Variants in NSUN3 observed in about 807,000 individuals in gnomAD.
NSUN3 encodes the protein tRNA (cytosine(34)-C(5))-methyltransferase, mitochondrial.
NSUN3 carries 24 observed loss-of-function variants against 36.8 expected under a neutral mutation model. That is an observed-to-expected ratio of 0.65 (90% CI 0.47 to 0.92). The LOEUF is 0.92. Among genes scored for constraint, NSUN3 ranks in the 40% least tolerant of loss-of-function variants. The pLI is 0.00. For missense variants in NSUN3, 381 were observed against 392.8 expected (o/e 0.97, Z 0.25); for synonymous variants, 146 against 145.2 (o/e 1.01, Z -0.04).
chr3:94,105,435 C>T (rs2077384858), intron 5 of NSUN3, among the ~76,000 whole-genome samples: 1 of 152,146 alleles, frequency 6.6e-6, no homozygotes, highest in African/African-American at 2.4e-5. Context: ...ACTAAAATGC[C>T]TTTAGTAAAT....
At chr3:94,092,108 G>A (rs2077317533) in intron 3 of NSUN3, among the ~76,000 whole-genome samples, 2 of 152,190 alleles carry the variant, frequency 1.3e-5, no homozygotes, top group Non-Finnish European at 2.9e-5. Flanking sequence ...GCAGTTGCCT[G>A]AAGGGGTCAG....
chr3:94,103,759 A>T (rs529234130), intron 5 of NSUN3, among the ~76,000 whole-genome samples: 1 of 152,328 alleles, frequency 6.6e-6, no homozygotes, highest in Admixed American at 6.5e-5. Context: ...TCCTTACACG[A>T]TCTGATTAAT....
intron 2 of NSUN3, among the ~76,000 whole-genome samples, chr3:94,070,100 G>A (rs1334017860): frequency 5.3e-5 from 8 of 151,998 alleles, no homozygotes; most frequent in Admixed American, 4.6e-4. Context: ...GTAAATAGAT[G>A]TGCCTAGCCT....
chr3:94,090,436 A>G (rs910823450), intron 3 of NSUN3, among the ~76,000 whole-genome samples: 3 of 152,178 alleles, frequency 2.0e-5, no homozygotes, highest in African/African-American at 7.2e-5. Context: ...TATATAATTT[A>G]ATGAAAAGCT....
At chr3:94,070,619 T>C (rs555014827) in intron 2 of NSUN3, among the ~76,000 whole-genome samples, 1 of 152,346 alleles carries the variant, frequency 6.6e-6, no homozygotes, top group South Asian at 2.1e-4. Context: ...AGAAAATTAC[T>C]CTGCCCCTCT....
intron 5 of NSUN3, among the ~76,000 whole-genome samples, chr3:94,108,387 A>G (rs1284324529): frequency 1.3e-5 from 2 of 152,228 alleles, no homozygotes; most frequent in African/African-American, 2.4e-5. Context: ...TTTGAGACGG[A>G]GTCTTGCTCT....
chr3:94,105,694 C>A (rs532007082), intron 5 of NSUN3, among the ~76,000 whole-genome samples: 1 of 151,854 alleles, frequency 6.6e-6, no homozygotes, highest in Non-Finnish European at 1.5e-5. Context: ...ATCTTTTTTC[C>A]GGTTAAGCAT....
intron 1 of NSUN3, chr3:94,063,367 C>T (rs947770084): frequency 2.3e-5 from 12 of 533,248 alleles, no homozygotes; most frequent in African/African-American, 2.1e-4. Context: ...CCCTCCAGCT[C>T]TTGGAGGGCT....
intron 5 of NSUN3, 129 bp downstream of exon 5, chr3:94,095,283 A>C (rs940636869): frequency 1.1e-6 from 1 of 903,196 alleles, no homozygotes; most frequent in African/African-American, 1.7e-5. Flanking sequence ...CAAAGGCTAC[A>C]CTCAAAAAAT....
At chr3:94,076,018 C>T in intron 2 of NSUN3, 1 of 1,608,502 alleles carries the variant, frequency 6.2e-7, no homozygotes, top group Non-Finnish European at 8.5e-7. Flanking sequence ...CAGAACAAAT[C>T]ACCCAAGGTT....
chr3:94,091,838 A>T (rs1337061825), intron 3 of NSUN3, among the ~76,000 whole-genome samples: 1 of 152,166 alleles, frequency 6.6e-6, no homozygotes. Flanking sequence ...TATCTTGTGG[A>T]CCCAGCTTAT....
intron 2 of NSUN3, among the ~76,000 whole-genome samples, chr3:94,075,256 A>C (rs2077241430): frequency 1.3e-5 from 2 of 152,162 alleles, no homozygotes; most frequent in South Asian, 4.1e-4. Flanking sequence ...GCAAACAAAC[A>C]AACAAACAAA....
At chr3:94,067,474 C>G (rs940744758) in intron 2 of NSUN3, among the ~76,000 whole-genome samples, 3 of 152,162 alleles carry the variant, frequency 2.0e-5, no homozygotes, top group Non-Finnish European at 4.4e-5. Context: ...TAATTGGTGT[C>G]AGAAGTGAGA....
chr3:94,099,015 T>G (rs6765330), intron 5 of NSUN3, among the ~76,000 whole-genome samples: 9,668 of 152,206 alleles, frequency 0.064, 621 homozygotes, highest in African/African-American at 0.16. Context: ...GTGTCTGGCA[T>G]GTAGAAAAGA....
At chr3:94,121,496 A>T (rs1011099792) in intron 5 of NSUN3, among the ~76,000 whole-genome samples, 1 of 152,154 alleles carries the variant, frequency 6.6e-6, no homozygotes, top group Non-Finnish European at 1.5e-5. Context: ...GGGGATTAGG[A>T]TGTGGACATC....
chr3:94,068,723 CTT>C (rs35312928), intron 2 of NSUN3, among the ~76,000 whole-genome samples: 2 of 144,880 alleles, frequency 1.4e-5, no homozygotes. Context: ...TCTGCAACAT[CTT>C]TTTTTTTTTG....
At chr3:94,077,139 C>A in intron 2 of NSUN3, 2 of 742,540 alleles carry the variant, frequency 2.7e-6, no homozygotes, top group South Asian at 1.4e-5. Flanking sequence ...CTCATTCTTC[C>A]ACTGCGTCAT....
chr3:94,078,594 G>C (rs979365723), intron 2 of NSUN3, among the ~76,000 whole-genome samples: 18 of 152,146 alleles, frequency 1.2e-4, no homozygotes, highest in Admixed American at 5.9e-4. Flanking sequence ...AGGTCTCTAA[G>C]AACTTGCTTC....
intron 2 of NSUN3, among the ~76,000 whole-genome samples, chr3:94,074,116 G>T (rs2077237062): frequency 6.6e-6 from 1 of 152,114 alleles, no homozygotes; most frequent in Non-Finnish European, 1.5e-5. Context: ...TTGTAGATGT[G>T]TGGTATTATT....
Sources: allele counts gnomAD v4.1 joint callset (sites outside exome capture counted in the v4.1 genomes callset), GRCh38; gene constraint gnomAD v4.1.1; transcripts MANE v1.5; gene names NCBI Gene and HGNC (gene_info 2026-07-23, HGNC 2026-07-21).